The following ARB2A variants were observed in gnomAD, a reference collection of about 807,000 sequenced individuals.
ARB2A encodes ARB2 cotranscriptional regulator A, also known as cotranscriptional regulator ARB2A.
chr5:93,748,439 A>G, the ARB2A span, among the ~76,000 whole-genome samples: 13,204 of 152,118 alleles, frequency 0.087, 887 homozygotes, highest in African/African-American at 0.18. Flanking sequence ...ATAAGATATG[A>G]CTAGAATTAG....
chr5:93,692,762 C>A, the ARB2A span, among the ~76,000 whole-genome samples: 1 of 152,200 alleles, frequency 6.6e-6, no homozygotes, highest in African/African-American at 2.4e-5. Flanking sequence ...CTTCTCAGCA[C>A]CACATCATAC....
At chr5:93,688,918 C>A in the ARB2A span, among the ~76,000 whole-genome samples, 2 of 152,166 alleles carry the variant, frequency 1.3e-5, no homozygotes, top group Non-Finnish European at 2.9e-5. Context: ...ATTTAACCAG[C>A]CTTGCTTTTA....
the ARB2A span, among the ~76,000 whole-genome samples, chr5:93,663,306 C>G: frequency 6.6e-4 from 101 of 152,286 alleles, no homozygotes; most frequent in African/African-American, 2.4e-3. Context: ...CAAACATAAA[C>G]TTTTCTATAC....
the ARB2A span, among the ~76,000 whole-genome samples, chr5:93,782,490 C>T: frequency 1.3e-5 from 2 of 152,130 alleles, no homozygotes; most frequent in African/African-American, 2.4e-5. Flanking sequence ...CTCCCATATG[C>T]TTGTTCTGAA....
At chr5:94,093,727 C>T in the ARB2A span, among the ~76,000 whole-genome samples, 46 of 152,282 alleles carry the variant, frequency 3.0e-4, no homozygotes, top group East Asian at 3.9e-3. Flanking sequence ...CCATCATCAA[C>T]TCTAATGCCT....
chr5:93,793,030 C>T, the ARB2A span, among the ~76,000 whole-genome samples: 595 of 151,852 alleles, frequency 3.9e-3, 8 homozygotes, highest in African/African-American at 0.013. Flanking sequence ...AAGTGACCCA[C>T]GCATACCACA....
At chr5:93,765,311 A>C in the ARB2A span, among the ~76,000 whole-genome samples, 218 of 152,368 alleles carry the variant, frequency 1.4e-3, 1 homozygote, top group African/African-American at 5.0e-3. Flanking sequence ...GTCTCAGCCC[A>C]AAATCTCCTT....
chr5:93,696,521 G>C, the ARB2A span, among the ~76,000 whole-genome samples: 1 of 152,060 alleles, frequency 6.6e-6, no homozygotes, highest in African/African-American at 2.4e-5. Context: ...CTATTACTTA[G>C]ATCAATAGCT....
At chr5:93,822,895 T>C in the ARB2A span, among the ~76,000 whole-genome samples, 1 of 152,190 alleles carries the variant, frequency 6.6e-6, no homozygotes, top group South Asian at 2.1e-4. Flanking sequence ...GAAGCACTTG[T>C]AGAGTTAAGT....
the ARB2A span, among the ~76,000 whole-genome samples, chr5:94,015,006 A>G: frequency 4.6e-5 from 7 of 151,962 alleles, no homozygotes; most frequent in Admixed American, 1.3e-4. Flanking sequence ...AAAACTTTCC[A>G]AAACATGAGA....
chr5:93,707,399 T>C, the ARB2A span, among the ~76,000 whole-genome samples: 2 of 152,158 alleles, frequency 1.3e-5, no homozygotes, highest in African/African-American at 2.4e-5. Context: ...AGTTATGTAC[T>C]TGTACAATAA....
the ARB2A span, among the ~76,000 whole-genome samples, chr5:93,725,442 C>T: frequency 6.6e-6 from 1 of 151,916 alleles, no homozygotes; most frequent in Non-Finnish European, 1.5e-5. Context: ...CGGAAAAGAA[C>T]AAAAACAAGA....
chr5:94,103,795 CAAAAAAAA>C, the ARB2A span, among the ~76,000 whole-genome samples: 1 of 113,344 alleles, frequency 8.8e-6, no homozygotes, highest in African/African-American at 3.2e-5. Flanking sequence ...TCAACAGATT[CAAAAAAAA>C]AAAAAAAAAA....
chr5:93,746,033 G>A, the ARB2A span, among the ~76,000 whole-genome samples: 1 of 152,232 alleles, frequency 6.6e-6, no homozygotes, highest in Non-Finnish European at 1.5e-5. Flanking sequence ...AAGGAATGAT[G>A]CCTCCCACCT....
the ARB2A span, among the ~76,000 whole-genome samples, chr5:94,034,446 T>C: frequency 3.3e-5 from 5 of 152,192 alleles, no homozygotes; most frequent in African/African-American, 9.7e-5. Context: ...CTTCCTTACC[T>C]GCAAATAAAT....
chr5:93,835,897 T>C, the ARB2A span, among the ~76,000 whole-genome samples: 1 of 152,178 alleles, frequency 6.6e-6, no homozygotes, highest in African/African-American at 2.4e-5. Flanking sequence ...AAGTTAAGGC[T>C]TTCCACTGGG....
the ARB2A span, among the ~76,000 whole-genome samples, chr5:93,643,607 G>A: frequency 6.6e-6 from 1 of 152,136 alleles, no homozygotes; most frequent in South Asian, 2.1e-4. Context: ...TGACTCTCCT[G>A]CCTCAGCATC....
At chr5:93,617,883 A>G in the ARB2A span, among the ~76,000 whole-genome samples, 2 of 152,210 alleles carry the variant, frequency 1.3e-5, no homozygotes, top group Non-Finnish European at 2.9e-5. Context: ...TGCAAGCCAA[A>G]TAGTGACTCA....
chr5:93,970,905 T>C, the ARB2A span, among the ~76,000 whole-genome samples: 3 of 152,240 alleles, frequency 2.0e-5, no homozygotes, highest in African/African-American at 7.2e-5. Flanking sequence ...CAATATGATT[T>C]ATCACACTAC....
Sources: gnomAD v4.1 joint callset for allele counts (sites outside exome capture counted in the v4.1 genomes callset) on GRCh38, gnomAD v4.1.1 for gene constraint, MANE v1.5 for transcripts, NCBI Gene and HGNC (gene_info 2026-07-23, HGNC 2026-07-21) for gene names.